Variants in RIMS1 observed in about 807,000 individuals in gnomAD.
RIMS1 encodes the protein regulating synaptic membrane exocytosis protein 1.
Under a neutral mutation model 214.1 loss-of-function variants are expected in RIMS1, and 83 were observed. That is an observed-to-expected ratio of 0.39 (90% CI 0.32 to 0.47). RIMS1 has a LOEUF of 0.47. RIMS1 is among the 20% of genes least tolerant of loss of function. The probability of loss-of-function intolerance (pLI) is 0.99; values close to 1 mark genes in which losing one functional copy is unlikely to be tolerated. For missense variants in RIMS1, 2,050 were observed against 2,161.8 expected (o/e 0.95, Z 1.03); for synonymous variants, 793 against 786.8 (o/e 1.01, Z -0.13).
intron 4 of RIMS1, among the ~76,000 whole-genome samples, chr6:72,102,177 G>T (rs1192265093): frequency 6.6e-6 from 1 of 151,868 alleles, no homozygotes; most frequent in Non-Finnish European, 1.5e-5. Context: ...CAACTGAATT[G>T]AATCCTGCAA....
intron 5 of RIMS1, 130 bp from the exon 6 acceptor site, chr6:72,182,154 C>A: frequency 1.0e-6 from 1 of 997,936 alleles, no homozygotes; most frequent in Non-Finnish European, 1.4e-6. Flanking sequence ...TACAGTTCCA[C>A]CTTCAGATCC....
intron 2 of RIMS1, among the ~76,000 whole-genome samples, chr6:72,035,288 A>G (rs1819321545): frequency 6.6e-6 from 1 of 152,174 alleles, no homozygotes; most frequent in African/African-American, 2.4e-5. Context: ...TCAGATACCT[A>G]CAAATGGTGA....
chr6:72,146,924 C>T (rs913608138), intron 4 of RIMS1, among the ~76,000 whole-genome samples: 33 of 146,662 alleles, frequency 2.3e-4, no homozygotes, highest in African/African-American at 7.1e-4. Flanking sequence ...GGTGTAGATA[C>T]GGTCTGACTC....
At chr6:72,256,157 C>A (rs1475430104) in intron 16 of RIMS1, among the ~76,000 whole-genome samples, 1 of 150,814 alleles carries the variant, frequency 6.6e-6, no homozygotes, top group Non-Finnish European at 1.5e-5. Context: ...ATGTAAAAAG[C>A]AAAGAACTTT....
At chr6:72,145,569 G>A (rs1481939584) in intron 4 of RIMS1, among the ~76,000 whole-genome samples, 8 of 152,088 alleles carry the variant, frequency 5.3e-5, no homozygotes, top group Admixed American at 3.3e-4. Context: ...CCCAGATCAT[G>A]CCACTGCACC....
chr6:71,891,095 T>C (rs775901826), intron 1 of RIMS1, among the ~76,000 whole-genome samples: 1 of 152,214 alleles, frequency 6.6e-6, no homozygotes, highest in Non-Finnish European at 1.5e-5. Context: ...ATTAGGCTGA[T>C]TCAGATCAGC....
chr6:72,294,993 A>G (rs888055993), intron 26 of RIMS1, among the ~76,000 whole-genome samples: 5 of 151,792 alleles, frequency 3.3e-5, no homozygotes, highest in African/African-American at 1.2e-4. Context: ...ATATCCCAGC[A>G]TATCCCTTAT....
intron 1 of RIMS1, among the ~76,000 whole-genome samples, chr6:71,927,636 C>T (rs148154248): frequency 8.7e-4 from 132 of 151,856 alleles, no homozygotes; most frequent in Middle Eastern, 3.4e-3. Flanking sequence ...TGAATTATAC[C>T]GAAGATTATT....
chr6:72,217,462 CATTAA>C (rs2056668582), intron 6 of RIMS1, among the ~76,000 whole-genome samples: 1 of 152,096 alleles, frequency 6.6e-6, no homozygotes, highest in Non-Finnish European at 1.5e-5. Flanking sequence ...CTGAAGTACA[CATTAA>C]ATTATATACA....
In RIMS1 at chr6:72,398,974, T is replaced by C. The variant is rs1250906923; in HGVS notation, c.4740T>C (p.Tyr1580=). Residue 1580 remains tyrosine, a synonymous_variant, in exon 33 of 34, where the codon TAT becomes TAC. Transcript: ENST00000521978. The part of the protein sequence containing the change: ...KSTPAPYVKV[Y]LLENGACIAK... ...GTTTAGCTCCATATGTCAAAGTATA[T>C]CTTTTGGAAAATGGGGCCTGTATAG... 1 of 1,600,716 alleles carries C rather than the reference T, an allele frequency of 6.2e-7. No homozygotes were observed. The highest frequency in any genetic ancestry group is 8.6e-7 in the Non-Finnish European group (1 of 1,168,894).
chr6:72,241,922 A>C (rs1056125454), intron 9 of RIMS1, among the ~76,000 whole-genome samples: 1 of 152,200 alleles, frequency 6.6e-6, no homozygotes, highest in Admixed American at 6.5e-5. Flanking sequence ...TCTTTCAAAA[A>C]TAGAGCCGCC....
At chr6:72,001,399 G>GCATTT (rs1180031224) in intron 2 of RIMS1, among the ~76,000 whole-genome samples, 1 of 151,920 alleles carries the variant, frequency 6.6e-6, no homozygotes, top group African/African-American at 2.4e-5. Flanking sequence ...CTCATAATTG[G>GCATTT]CATTTTGTTC....
chr6:72,137,889 G>A lies in RIMS1; in HGVS notation c.471+37903G>A, dbSNP rs1403174587. On this transcript the variant is annotated intron_variant, in intron 4 of 33. Transcript: ENST00000521978. ...GTAACTGGGACTACAGGTGCCCACC[G>A]CCACGCCCGGCTAATTTTTTGTATT... Among the ~76,000 whole-genome samples, 15 of 151,674 alleles carry A rather than the reference G, an allele frequency of 9.9e-5. No homozygotes were observed. In the South Asian group the frequency reaches 1.2e-3, roughly 13 times the overall value.
At chr6:72,319,658 C>G (rs2096036396) in intron 28 of RIMS1, among the ~76,000 whole-genome samples, 1 of 151,848 alleles carries the variant, frequency 6.6e-6, no homozygotes, top group Admixed American at 6.6e-5. Context: ...TTCTTTAGAC[C>G]TTGATTTTTT....
At position 72,364,302 on chromosome 6, in the gene RIMS1, T is replaced by C. The variant is rs534184172; in HGVS notation, c.4367-26296T>C. 5.9e-5 allele frequency among the ~76,000 whole-genome samples: 9 copies of C among 152,266 alleles called. No homozygotes were observed. In the East Asian group the frequency reaches 1.7e-3, roughly 29 times the overall value. Reference sequence around the variant, plus strand: ...AGGAAATGTATCACTGGGATACATTTCTCTGTTGATCAAGATCTAATTACA... The same window carrying C: ...AGGAAATGTATCACTGGGATACATTCCTCTGTTGATCAAGATCTAATTACA... On this transcript the variant is annotated intron_variant, in intron 29 of 33. Transcript: ENST00000521978.
chr6:72,393,447 G>T (rs185856836), intron 31 of RIMS1, among the ~76,000 whole-genome samples: 1 of 152,124 alleles, frequency 6.6e-6, no homozygotes, highest in Non-Finnish European at 1.5e-5. Context: ...GATTCTTGCC[G>T]GGCGCTGTGG....
intron 2 of RIMS1, among the ~76,000 whole-genome samples, chr6:72,051,847 T>C (rs1179169149): frequency 2.0e-5 from 3 of 152,130 alleles, no homozygotes; most frequent in Non-Finnish European, 4.4e-5. Flanking sequence ...TTATATAATT[T>C]AGTGCCCATT....
chr6:72,219,908 T>A (rs1333876807), intron 6 of RIMS1, among the ~76,000 whole-genome samples: 1 of 152,110 alleles, frequency 6.6e-6, no homozygotes, highest in African/African-American at 2.4e-5. Context: ...ATTTAGCATA[T>A]ATCTGAAATT....
intron 2 of RIMS1, among the ~76,000 whole-genome samples, chr6:72,077,969 T>G (rs1380723619): frequency 6.6e-6 from 1 of 152,196 alleles, no homozygotes; most frequent in African/African-American, 2.4e-5. Flanking sequence ...TAGTGAAATT[T>G]TCTAAAATTT....
Sources: allele counts gnomAD v4.1 joint callset (sites outside exome capture counted in the v4.1 genomes callset), GRCh38; gene constraint gnomAD v4.1.1; transcripts MANE v1.5; gene names NCBI Gene and HGNC (gene_info 2026-07-23, HGNC 2026-07-21).